The following L3MBTL4 variants were observed in gnomAD, a reference collection of about 807,000 sequenced individuals.
The protein encoded by L3MBTL4 is L3MBTL histone methyl-lysine binding protein 4.
Under a neutral mutation model 84.5 loss-of-function variants are expected in L3MBTL4, and 70 were observed. That is an observed-to-expected ratio of 0.83 (90% CI 0.68 to 1.01). The LOEUF is 1.01. L3MBTL4 is among the 50% of genes least tolerant of loss of function. The pLI is 0.00. For missense variants in L3MBTL4, 715 were observed against 754.8 expected (o/e 0.95, Z 0.62); for synonymous variants, 274 against 259.8 (o/e 1.05, Z -0.52).
intron 16 of L3MBTL4, among the ~76,000 whole-genome samples, chr18:6,065,924 T>C (rs1388671940): frequency 6.6e-6 from 1 of 152,022 alleles, no homozygotes; most frequent in East Asian, 1.9e-4. Flanking sequence ...TCTTTTACTC[T>C]AGTTTCTTGA....
chr18:6,411,857 G>A (rs1185439344), intron 1 of L3MBTL4, among the ~76,000 whole-genome samples: 2 of 152,116 alleles, frequency 1.3e-5, no homozygotes, highest in African/African-American at 4.8e-5. Flanking sequence ...GTTTAAGGAT[G>A]AGCCAAATGA....
rs2095222182 is a variant in L3MBTL4, at chr18:5,955,535, G to T, written c.*685C>A. The T allele has an allele frequency of 6.6e-6, 1 of 152,230 alleles. No individual in the cohort carries two copies. Among genetic ancestry groups the T allele is most frequent in the Non-Finnish European group, 1.5e-5 (1 of 68,062 alleles). 9.4% of individuals were successfully genotyped at this position (152,230 alleles called of 1,614,324 possible). Reference sequence around the variant, plus strand: ...AAGGGTCTCTCCAGCTTTTGGAAGTGCCCACCTGACCGTCCTCTCATTACT... The same window carrying T: ...AAGGGTCTCTCCAGCTTTTGGAAGTTCCCACCTGACCGTCCTCTCATTACT... On this transcript the variant is annotated 3_prime_UTR_variant, in exon 19 of 19. Transcript: ENST00000317931.
At chr18:6,193,054 T>C (rs1042374400) in intron 12 of L3MBTL4, among the ~76,000 whole-genome samples, 1 of 151,842 alleles carries the variant, frequency 6.6e-6, no homozygotes, top group Non-Finnish European at 1.5e-5. Flanking sequence ...AGAAAAAAGA[T>C]GGCGGTGGTC....
chr18:6,187,862 G>T (rs1219205556), intron 12 of L3MBTL4, among the ~76,000 whole-genome samples: 3 of 141,812 alleles, frequency 2.1e-5, no homozygotes, highest in African/African-American at 2.7e-5. Flanking sequence ...AAGGCTCTTG[G>T]TACCAAAAAA....
At chr18:5,956,472 G>T in intron 18 of L3MBTL4, 85 bp from the exon 19 acceptor site, 1 of 1,288,736 alleles carries the variant, frequency 7.8e-7, no homozygotes, top group Non-Finnish European at 1.1e-6. Context: ...TTCTGAGTGT[G>T]ATGTGGAACC....
chr18:6,061,754 C>T (rs972795256), intron 16 of L3MBTL4, among the ~76,000 whole-genome samples: 1 of 151,586 alleles, frequency 6.6e-6, no homozygotes, highest in South Asian at 2.1e-4. Context: ...TCAATTTTCT[C>T]TTCTCTCTTA....
chr18:6,331,952 A>C (rs1441392247), intron 1 of L3MBTL4, among the ~76,000 whole-genome samples: 2 of 152,114 alleles, frequency 1.3e-5, no homozygotes, highest in Non-Finnish European at 2.9e-5. Context: ...TTAAAAAAAA[A>C]AAAAGAGGAA....
chr18:6,175,325 T>G (rs2145258239), intron 12 of L3MBTL4, among the ~76,000 whole-genome samples: 1 of 152,190 alleles, frequency 6.6e-6, no homozygotes, highest in South Asian at 2.1e-4. Context: ...ACACAGAATT[T>G]CAATTCCTAC....
chr18:5,963,521 G>A (rs993110727), intron 17 of L3MBTL4, among the ~76,000 whole-genome samples: 3 of 152,064 alleles, frequency 2.0e-5, no homozygotes, highest in African/African-American at 7.2e-5. Context: ...CACCCTCCTC[G>A]GCTTCACACT....
chr18:6,348,271 T>A (rs1339985677), intron 1 of L3MBTL4, among the ~76,000 whole-genome samples: 1 of 151,990 alleles, frequency 6.6e-6, no homozygotes. Flanking sequence ...TTTAAAGAAA[T>A]TGGTTAGATT....
rs765858574 is a variant in L3MBTL4 at position 6,093,409 on chromosome 18, C to T, written c.1319G>A (p.Ser440Asn). 9.9e-6 allele frequency: 16 copies of T among 1,613,504 alleles called. No homozygotes were observed. Among genetic ancestry groups the T allele is most frequent in the Non-Finnish European group, 1.4e-5 (16 of 1,179,862 alleles). Reference protein sequence around the residue: ...ESDSSHSKSKSLCSLNFNGKH... With the variant: ...ESDSSHSKSKNLCSLNFNGKH... ...TCCATTGAAGTTCAAACTACAGAGG[C>T]TTTTTGATTTTGAATGTGAAGAGTC... The change falls in exon 15 of 19, where the codon AGC (serine) becomes AAC (asparagine). Residue 440 changes from serine (S) to asparagine (N), a missense_variant. Coordinates refer to ENST00000317931, the MANE Select transcript of L3MBTL4 (RefSeq NM_001330559.2).
chr18:6,323,181 C>A (rs1471062578), intron 1 of L3MBTL4, among the ~76,000 whole-genome samples: 1 of 152,194 alleles, frequency 6.6e-6, no homozygotes, highest in East Asian at 1.9e-4. Flanking sequence ...CCAATTAAAC[C>A]TCTTTTCTTA....
rs111748585 is a variant in L3MBTL4, at chr18:6,032,257, A to G, written c.1444+48624T>C. 2,658 of 937,752 alleles carry G rather than the reference A, an allele frequency of 2.8e-3. 16 individuals are homozygous for G. Among genetic ancestry groups the G allele is most frequent in the African/African-American group, 0.021 (1,165 of 55,526 alleles). 58.1% of individuals were successfully genotyped at this position (937,752 alleles called of 1,614,324 possible). A position where few individuals can be genotyped will look rare whatever the true frequency, so the allele number is the denominator to read the frequency against. On this transcript the variant is annotated intron_variant, in intron 16 of 18. Coordinates refer to ENST00000317931, the MANE Select transcript of L3MBTL4 (RefSeq NM_001330559.2). ...CTCCCAAAGTGCTGGGATTACAGGCATGAGCCACCGCACTCGGCCTTAAAT... is the reference window on the plus strand; with the variant it reads ...CTCCCAAAGTGCTGGGATTACAGGCGTGAGCCACCGCACTCGGCCTTAAAT...
At chr18:6,223,859 A>G (rs2046664705) in intron 10 of L3MBTL4, among the ~76,000 whole-genome samples, 1 of 152,222 alleles carries the variant, frequency 6.6e-6, no homozygotes, top group Admixed American at 6.5e-5. Context: ...ATGGAACAGA[A>G]CTAGCCCCTA....
intron 14 of L3MBTL4, among the ~76,000 whole-genome samples, chr18:6,124,443 TG>T (rs1455045355): frequency 6.8e-6 from 1 of 148,044 alleles, no homozygotes; most frequent in Non-Finnish European, 1.5e-5. Context: ...ATTATATATA[TG>T]TATATATAAA....
intron 16 of L3MBTL4, among the ~76,000 whole-genome samples, chr18:6,078,426 C>CAA (rs1200685986): frequency 2.0e-3 from 70 of 34,606 alleles, no homozygotes; most frequent in East Asian, 2.2e-3. Flanking sequence ...GAGTCCACCT[C>CAA]AAAAAAAAAA....
chr18:6,353,152 T>C (rs2053276330), intron 1 of L3MBTL4, among the ~76,000 whole-genome samples: 1 of 152,154 alleles, frequency 6.6e-6, no homozygotes, highest in South Asian at 2.1e-4. Context: ...TGAAAAACTA[T>C]GGTGGAAAAT....
chr18:6,345,305 G>A (rs543506027), intron 1 of L3MBTL4, among the ~76,000 whole-genome samples: 2 of 151,916 alleles, frequency 1.3e-5, no homozygotes, highest in South Asian at 4.2e-4. Context: ...GCTGAGGCAG[G>A]AGAATTGCTT....
intron 13 of L3MBTL4, among the ~76,000 whole-genome samples, chr18:6,142,123 T>G (rs1412674180): frequency 2.6e-5 from 4 of 152,246 alleles, no homozygotes; most frequent in Non-Finnish European, 5.9e-5. Context: ...GGTTACGTCC[T>G]CATTTTATAT....
Sources: allele counts gnomAD v4.1 joint callset (sites outside exome capture counted in the v4.1 genomes callset), GRCh38; gene constraint gnomAD v4.1.1; transcripts MANE v1.5; gene names NCBI Gene and HGNC (gene_info 2026-07-23, HGNC 2026-07-21).